Variants in CFAP210 observed in about 807,000 individuals in gnomAD.
CFAP210 encodes the protein cilia- and flagella- associated protein 210.
At chr2:169,654,356 T>A in the CFAP210 span, 1 of 670,642 alleles carries the variant, frequency 1.5e-6, no homozygotes, top group South Asian at 2.6e-5. Context: ...AAAGAGATGA[T>A]CAGAGAAGTG....
the CFAP210 span, among the ~76,000 whole-genome samples, chr2:169,686,897 T>C: frequency 6.6e-6 from 1 of 152,150 alleles, no homozygotes; most frequent in Non-Finnish European, 1.5e-5. Flanking sequence ...GATAAAGACA[T>C]ACCTGAGACT....
chr2:169,652,069 G>T, the CFAP210 span, among the ~76,000 whole-genome samples: 1 of 152,024 alleles, frequency 6.6e-6, no homozygotes, highest in Non-Finnish European at 1.5e-5. Context: ...AATACATCTT[G>T]TTAAATTAGG....
the CFAP210 span, among the ~76,000 whole-genome samples, chr2:169,650,012 CAG>C: frequency 5.9e-5 from 9 of 151,732 alleles, no homozygotes; most frequent in South Asian, 6.3e-4. Flanking sequence ...TATTAAGAAA[CAG>C]AAATGTATAA....
chr2:169,651,875 CTTTTTT>C, the CFAP210 span, among the ~76,000 whole-genome samples: 4 of 143,800 alleles, frequency 2.8e-5, no homozygotes, highest in Non-Finnish European at 6.1e-5. Context: ...TATAAGGTTC[CTTTTTT>C]TTTTTTTTTT....
chr2:169,658,903 A>G, the CFAP210 span: 1 of 172,658 alleles, frequency 5.8e-6, no homozygotes, highest in South Asian at 1.4e-4. Context: ...AGGCAGGAGG[A>G]CTGCTTGACC....
At chr2:169,692,439 C>T in the CFAP210 span, among the ~76,000 whole-genome samples, 4 of 101,744 alleles carry the variant, frequency 3.9e-5, no homozygotes, top group Admixed American at 2.6e-4. Flanking sequence ...GGGCAACAGG[C>T]GCACGCACAC....
chr2:169,674,902 G>T, the CFAP210 span: 1 of 1,524,484 alleles, frequency 6.6e-7, no homozygotes, highest in Non-Finnish European at 8.8e-7. Context: ...TGGTAAAATT[G>T]ATATTGCTTT....
At chr2:169,657,421 GA>G in the CFAP210 span, among the ~76,000 whole-genome samples, 3 of 151,998 alleles carry the variant, frequency 2.0e-5, no homozygotes, top group East Asian at 5.8e-4. Flanking sequence ...AGAAGAAAAA[GA>G]AAAAAAGAAA....
the CFAP210 span, chr2:169,662,266 C>A: frequency 6.3e-7 from 1 of 1,587,956 alleles, no homozygotes; most frequent in Non-Finnish European, 8.5e-7. Context: ...GGAACTTTTG[C>A]CCTTTCAACT....
the CFAP210 span, chr2:169,645,731 A>G: frequency 1.4e-6 from 1 of 712,076 alleles, no homozygotes; most frequent in Non-Finnish European, 2.3e-6. Context: ...CAATTAAATC[A>G]GACATAATTG....
At chr2:169,671,496 G>T in the CFAP210 span, among the ~76,000 whole-genome samples, 1 of 152,154 alleles carries the variant, frequency 6.6e-6, no homozygotes, top group East Asian at 1.9e-4. Context: ...GAGATGGAGT[G>T]TCGCTCTTGT....
the CFAP210 span, among the ~76,000 whole-genome samples, chr2:169,665,154 A>G: frequency 6.6e-6 from 1 of 152,214 alleles, no homozygotes; most frequent in African/African-American, 2.4e-5. Context: ...GAGTTCCAGG[A>G]GCCTTCTTAT....
chr2:169,690,166 C>T, the CFAP210 span, among the ~76,000 whole-genome samples: 25 of 151,964 alleles, frequency 1.6e-4, no homozygotes, highest in Admixed American at 1.2e-3. Context: ...ACATCTAGCT[C>T]ATGTGCTAAA....
the CFAP210 span, among the ~76,000 whole-genome samples, chr2:169,678,341 CAAAA>C: frequency 0.12 from 10,164 of 88,090 alleles, 298 homozygotes; most frequent in South Asian, 0.16. Flanking sequence ...AACTCTGTTG[CAAAA>C]AAAAAAAAAA....
chr2:169,678,581 T>TC, the CFAP210 span, among the ~76,000 whole-genome samples: 1 of 152,096 alleles, frequency 6.6e-6, no homozygotes, highest in Non-Finnish European at 1.5e-5. Context: ...TCCCGGCACT[T>TC]TGGGAGGCCA....
chr2:169,682,980 T>G, the CFAP210 span, among the ~76,000 whole-genome samples: 1 of 152,032 alleles, frequency 6.6e-6, no homozygotes, highest in African/African-American at 2.4e-5. Context: ...ACTATTAGTA[T>G]GAGGAGAAGA....
the CFAP210 span, chr2:169,680,874 C>T: frequency 1.5e-6 from 1 of 678,172 alleles, no homozygotes; most frequent in Non-Finnish European, 2.5e-6. Flanking sequence ...CTAAATAACA[C>T]TGTTGAAAAT....
the CFAP210 span, chr2:169,675,037 T>A: frequency 1.3e-6 from 2 of 1,498,102 alleles, no homozygotes; most frequent in Non-Finnish European, 1.8e-6. Flanking sequence ...TGTTCTTTCA[T>A]CCCCTGTAAA....
At chr2:169,675,005 C>A in the CFAP210 span, 13 of 1,533,686 alleles carry the variant, frequency 8.5e-6, no homozygotes, top group Non-Finnish European at 1.1e-5. Flanking sequence ...CTTCATCACG[C>A]TTCTTTTTGG....
Sources: allele counts gnomAD v4.1 joint callset (sites outside exome capture counted in the v4.1 genomes callset), GRCh38; gene constraint gnomAD v4.1.1; transcripts MANE v1.5; gene names NCBI Gene and HGNC (gene_info 2026-07-23, HGNC 2026-07-21).